HHLA2: variants seen among roughly 807,000 people sequenced by gnomAD.
HHLA2 encodes HHLA2 member of B7 family.
A neutral mutation model predicts 45.9 loss-of-function variants in HHLA2; 48 were observed. That is an observed-to-expected ratio of 1.05 (90% confidence interval 0.83 to 1.33). The LOEUF (loss-of-function observed/expected upper bound fraction) is 1.33. HHLA2 is among the 40% of genes most tolerant of loss of function. The probability of loss-of-function intolerance (pLI) is 0.00; values close to 1 mark genes in which losing one functional copy is unlikely to be tolerated. For missense variants in HHLA2, 462 were observed against 494.3 expected, an observed-to-expected ratio of 0.93 and a Z score of 0.62; for synonymous variants, 161 against 173.9, an observed-to-expected ratio of 0.93 and a Z score of 0.59.
chr3:108,375,959 T>C (rs928257242), intron 9 of HHLA2, among the ~76,000 whole-genome samples, 159 bp downstream of exon 8: 1 of 152,250 alleles, frequency 6.6e-6, no homozygotes, highest in African/African-American at 2.4e-5. Context: ...GAAGCTGTTA[T>C]ATGAAAAGCC....
chr3:108,307,013 G>A (rs894424764), intron 1 of HHLA2, among the ~76,000 whole-genome samples: 3 of 152,124 alleles, frequency 2.0e-5, no homozygotes, highest in Middle Eastern at 3.4e-3. Flanking sequence ...CCGCCACCAT[G>A]CCTGGCTAAC....
chr3:108,302,624 CTT>C (rs1464504441), intron 1 of HHLA2: 1 of 152,208 alleles, frequency 6.6e-6, no homozygotes, highest in Non-Finnish European at 1.5e-5. Context: ...GCTACATGGA[CTT>C]TAGCAAATGC....
chr3:108,308,015 A>T (rs2080958501), intron 1 of HHLA2, among the ~76,000 whole-genome samples: 1 of 152,210 alleles, frequency 6.6e-6, no homozygotes, highest in Admixed American at 6.5e-5. Context: ...ATTACAAATA[A>T]TTCAATTACA....
At chr3:108,296,630 T>A (rs1415689900) in intron 1 of HHLA2, 31 bp downstream of exon 1, 2 of 152,262 alleles carry the variant, frequency 1.3e-5, no homozygotes, top group African/African-American at 2.4e-5. Flanking sequence ...TGTTTATACC[T>A]AGAACTTAAA....
At chr3:108,353,637 C>T (rs1459187716) in exon 5 of HHLA2, 1 of 1,613,736 alleles carries the variant, frequency 6.2e-7, no homozygotes, top group Non-Finnish European at 8.5e-7. Context: ...GCAAACAGGA[C>T]ATCCCTTTTC....
intron 6 of HHLA2, among the ~76,000 whole-genome samples, chr3:108,355,961 T>C (rs2081882490): frequency 6.6e-6 from 1 of 151,904 alleles, no homozygotes; most frequent in African/African-American, 2.4e-5. Context: ...TCAATCTCTA[T>C]ATCCAAAACC....
At chr3:108,345,172 G>A (rs2081639889) in intron 3 of HHLA2, among the ~76,000 whole-genome samples, 1 of 152,224 alleles carries the variant, frequency 6.6e-6, no homozygotes, top group South Asian at 2.1e-4. Context: ...AGAAAAAAAT[G>A]TGGCTTCAGG....
chr3:108,355,949 G>C (rs1046590280), intron 6 of HHLA2, among the ~76,000 whole-genome samples: 2 of 151,194 alleles, frequency 1.3e-5, no homozygotes, highest in African/African-American at 4.9e-5. Flanking sequence ...TCCAAACTCT[G>C]ATCAATCTCT....
At chr3:108,313,526 G>T (rs147177448) in intron 2 of HHLA2, among the ~76,000 whole-genome samples, 2 of 152,302 alleles carry the variant, frequency 1.3e-5, no homozygotes, top group African/African-American at 4.8e-5. Flanking sequence ...TGTTGTGGGG[G>T]TGCTGAGAGG....
chr3:108,367,980 G>A (rs2082094300), intron 8 of HHLA2, among the ~76,000 whole-genome samples: 1 of 152,140 alleles, frequency 6.6e-6, no homozygotes, highest in Non-Finnish European at 1.5e-5. Context: ...TACCTACAAA[G>A]GGAAGTCCAT....
In HHLA2 at chr3:108,328,693, G is replaced by A. The variant is rs141710837; in HGVS notation, c.-27+346G>A. On this transcript the variant is annotated intron_variant, in intron 3 of 10. Coordinates refer to ENST00000619531, the Ensembl canonical transcript of HHLA2. Reference sequence around the variant, plus strand: ...ATGGGGGAGGGCAGTTAGGAGTGGCGTTTTTTACTTTGTCTTATGACTATA... The same window carrying A: ...ATGGGGGAGGGCAGTTAGGAGTGGCATTTTTTACTTTGTCTTATGACTATA... 2.7e-3 allele frequency among the ~76,000 whole-genome samples: 416 copies of A among 152,192 alleles called. 3 individuals are homozygous for A. The highest frequency in any genetic ancestry group is 9.3e-3 in the African/African-American group (387 of 41,554).
intron 3 of HHLA2, among the ~76,000 whole-genome samples, chr3:108,349,314 C>T (rs532058981): frequency 1.3e-5 from 2 of 152,044 alleles, no homozygotes; most frequent in Non-Finnish European, 1.5e-5. Context: ...AAGAGGGTAT[C>T]AGCACTGATC....
intron 8 of HHLA2, among the ~76,000 whole-genome samples, chr3:108,366,931 T>G (rs1011774083): frequency 2.0e-5 from 3 of 152,206 alleles, no homozygotes; most frequent in Non-Finnish European, 4.4e-5. Flanking sequence ...GCTCCTGGGT[T>G]GACAGACACC....
At chr3:108,340,300 T>C (rs192634873) in intron 3 of HHLA2, among the ~76,000 whole-genome samples, 1 of 152,256 alleles carries the variant, frequency 6.6e-6, no homozygotes, top group Admixed American at 6.5e-5. Flanking sequence ...GGAGACTCAT[T>C]CTCTAGTGAC....
At chr3:108,361,319 C>T (rs900430901) in intron 7 of HHLA2, among the ~76,000 whole-genome samples, 30 of 152,092 alleles carry the variant, frequency 2.0e-4, no homozygotes, top group East Asian at 9.6e-4. Flanking sequence ...CATGTCATCC[C>T]GCTCCATCCT....
At chr3:108,334,893 A>G (rs1186653770) in intron 3 of HHLA2, among the ~76,000 whole-genome samples, 2 of 152,168 alleles carry the variant, frequency 1.3e-5, no homozygotes, top group African/African-American at 4.8e-5. Context: ...AGCTGGTGCC[A>G]GAAAAGCTGT....
At chr3:108,317,649 A>T (rs1204038520) in intron 2 of HHLA2, among the ~76,000 whole-genome samples, 4 of 148,632 alleles carry the variant, frequency 2.7e-5, no homozygotes, top group African/African-American at 1.0e-4. Context: ...TTCTTGGCTC[A>T]CTGCAACCTC....
In HHLA2 at chr3:108,315,615, T is replaced by C. The variant is rs1341620092; in HGVS notation, c.-105+4874T>C. Among the ~76,000 whole-genome samples the C allele has an allele frequency of 2.0e-5, 3 of 152,244 alleles. No homozygotes were observed. In the East Asian group the frequency reaches 5.8e-4, roughly 29 times the overall value. ...TTAGAATGTTAAGAGCAGACCTATA[T>C]AAGCCTCATGGGAGAATAGAGTCGT... On this transcript the variant is annotated intron_variant, in intron 2 of 10. Transcript: ENST00000619531.
At chr3:108,352,140 G>A (rs1342609565) in intron 4 of HHLA2, among the ~76,000 whole-genome samples, 1 of 60,500 alleles carries the variant, frequency 1.7e-5, no homozygotes, top group Non-Finnish European at 3.9e-5. Context: ...AAGTTTGATT[G>A]ATTGATTTTT....
Sources: allele counts gnomAD v4.1 joint callset (sites outside exome capture counted in the v4.1 genomes callset), GRCh38; gene constraint gnomAD v4.1.1; transcripts MANE v1.5; gene names NCBI Gene and HGNC (gene_info 2026-07-23, HGNC 2026-07-21).